CACNB4: variants seen among roughly 807,000 people sequenced by gnomAD.
CACNB4 encodes the protein voltage-dependent L-type calcium channel subunit beta-4.
In CACNB4, 32 loss-of-function variants were observed where a neutral mutation model predicts 71.2. That is an observed-to-expected ratio of 0.45 (90% CI 0.34 to 0.60). The LOEUF (loss-of-function observed/expected upper bound fraction) is 0.60. Among genes scored for constraint, CACNB4 ranks in the 20% least tolerant of loss-of-function variants. The pLI, the probability that CACNB4 is intolerant of heterozygous loss-of-function variation, is 0.01. For missense variants in CACNB4, 464 were observed against 647.9 expected (o/e 0.72, Z 3.08); for synonymous variants, 231 against 236.9 (o/e 0.97, Z 0.23).
At chr2:152,010,251 G>A (rs1027816932) in intron 2 of CACNB4, among the ~76,000 whole-genome samples, 8 of 152,158 alleles carry the variant, frequency 5.3e-5, no homozygotes, top group African/African-American at 1.9e-4. Context: ...ACTAAAACAG[G>A]TAGTCATAAT....
At chr2:152,001,744 T>A (rs1484030366) in intron 2 of CACNB4, among the ~76,000 whole-genome samples, 1 of 150,958 alleles carries the variant, frequency 6.6e-6, no homozygotes. Flanking sequence ...GAGAATGAGT[T>A]TTACGGGTAA....
In CACNB4 at chr2:151,841,899, A is replaced by G. The variant is rs1419332555; in HGVS notation, c.1302+4T>C. 6.2e-7 allele frequency: 1 copy of G among 1,612,780 alleles called. No homozygotes were observed. The highest frequency in any genetic ancestry group is 1.3e-5 in the African/African-American group (1 of 74,894). ...AAAAAGCATGAGTGAAAAAGTGACA[A>G]TACCTGTAACCCAGAAATTGCTGTG... On this transcript the variant is annotated splice_donor_region_variant and intron_variant, in intron 13 of 13. Coordinates refer to ENST00000539935, the MANE Select transcript of CACNB4 (RefSeq NM_000726.5).
chr2:151,842,888 A>C (rs1014708242), intron 12 of CACNB4, among the ~76,000 whole-genome samples: 1 of 152,206 alleles, frequency 6.6e-6, no homozygotes, highest in Non-Finnish European at 1.5e-5. Context: ...AATAACATTT[A>C]CTTAGGTAAT....
chr2:152,063,790 C>A (rs1686146927), intron 2 of CACNB4, among the ~76,000 whole-genome samples: 1 of 152,194 alleles, frequency 6.6e-6, no homozygotes, highest in African/African-American at 2.4e-5. Flanking sequence ...CTAAAAGAGG[C>A]AGCCACCCAT....
At chr2:152,012,487 C>T (rs1365564742) in intron 2 of CACNB4, among the ~76,000 whole-genome samples, 1 of 151,826 alleles carries the variant, frequency 6.6e-6, no homozygotes, top group Non-Finnish European at 1.5e-5. Context: ...ACCTGTATTC[C>T]CAGCTACTCA....
chr2:151,910,234 G>C (rs1362395711), intron 2 of CACNB4, among the ~76,000 whole-genome samples: 1 of 151,924 alleles, frequency 6.6e-6, no homozygotes, highest in African/African-American at 2.4e-5. Flanking sequence ...GGTTTTTCTT[G>C]TAAATATGTT....
At chr2:151,946,286 G>A (rs546758741) in intron 2 of CACNB4, among the ~76,000 whole-genome samples, 15 of 151,064 alleles carry the variant, frequency 9.9e-5, no homozygotes, top group Admixed American at 4.6e-4. Context: ...CCAAGATTGC[G>A]CCATTGCACT....
chr2:151,999,751 A>T (rs766627002), intron 2 of CACNB4, among the ~76,000 whole-genome samples: 111 of 152,280 alleles, frequency 7.3e-4, no homozygotes, highest in Non-Finnish European at 1.3e-3. Flanking sequence ...TTAATTGAAA[A>T]TTACTAACCC....
chr2:152,098,570 A>AGCAAAC lies in CACNB4; in HGVS notation c.64-158_64-157insGTTTGC. On this transcript the variant is annotated intron_variant, in intron 1 of 13. Transcript: ENST00000539935. The surrounding 1 kb of genome is among the most constrained non-coding windows in gnomAD (Gnocchi z 5.3). ...TCCGCGACTCCCAAATACAGCCCCC[A>AGCAAAC]CCCCCACCCACCCACTGCAAGCCTC... 1 of 407,386 alleles carries AGCAAAC rather than the reference A, an allele frequency of 2.5e-6. No individual in the cohort carries two copies. The highest frequency in any genetic ancestry group is 4.7e-6 in the Non-Finnish European group (1 of 212,558). The allele number at this position is 407,386 out of a possible 1,614,324, so 25.2% of individuals were successfully genotyped here.
At chr2:151,989,076 T>A (rs1189234535) in intron 2 of CACNB4, among the ~76,000 whole-genome samples, 1 of 152,194 alleles carries the variant, frequency 6.6e-6, no homozygotes, top group Non-Finnish European at 1.5e-5. Flanking sequence ...GAAGAAAGTA[T>A]CCCTTCTTCT....
At chr2:152,013,471 G>A (rs147799247) in intron 2 of CACNB4, among the ~76,000 whole-genome samples, 212 of 152,240 alleles carry the variant, frequency 1.4e-3, no homozygotes, top group African/African-American at 3.2e-3. Context: ...TAGGTTGCTC[G>A]GAGGGAGGGC....
At chr2:151,915,989 G>C (rs2099857421) in intron 2 of CACNB4, among the ~76,000 whole-genome samples, 2 of 53,170 alleles carry the variant, frequency 3.8e-5, no homozygotes, top group South Asian at 1.2e-3. Flanking sequence ...CCTTGGCTGG[G>C]GGGAGGGGGT....
chr2:151,880,082 C>T (rs1249601522), intron 4 of CACNB4: 1 of 152,242 alleles, frequency 6.6e-6, no homozygotes, highest in African/African-American at 2.4e-5. Context: ...ACATCCTCAC[C>T]TCATATACCA....
At chr2:152,008,626 C>T (rs1056365592) in intron 2 of CACNB4, among the ~76,000 whole-genome samples, 1 of 152,098 alleles carries the variant, frequency 6.6e-6, no homozygotes, top group Non-Finnish European at 1.5e-5. Context: ...CTGATAGAAC[C>T]ACGAACTTCC....
chr2:152,081,484 A>G (rs1476712812), intron 2 of CACNB4, among the ~76,000 whole-genome samples: 2 of 152,064 alleles, frequency 1.3e-5, no homozygotes, highest in African/African-American at 2.4e-5. Context: ...AGACCCTGTC[A>G]ATAAAAAAGA....
intron 2 of CACNB4, among the ~76,000 whole-genome samples, chr2:152,011,995 TGTACA>T (rs1683081563): frequency 6.6e-6 from 1 of 152,138 alleles, no homozygotes; most frequent in Non-Finnish European, 1.5e-5. Flanking sequence ...CAGATAGTTA[TGTACA>T]GTACATCATA....
chr2:151,841,894 T>G lies in CACNB4; in HGVS notation c.1302+9A>C, dbSNP rs1487702135. The G allele has an allele frequency of 6.2e-7, 1 of 1,612,140 alleles. No individual in the cohort carries two copies. The highest frequency in any genetic ancestry group is 1.1e-5 in the South Asian group (1 of 90,646). Reference sequence around the variant, plus strand: ...GTTGTAAAAAGCATGAGTGAAAAAGTGACAATACCTGTAACCCAGAAATTG... The same window carrying G: ...GTTGTAAAAAGCATGAGTGAAAAAGGGACAATACCTGTAACCCAGAAATTG... On this transcript the variant is annotated intron_variant, in intron 13 of 13. Transcript: ENST00000539935.
At chr2:151,915,460 G>A (rs1363249280) in intron 2 of CACNB4, among the ~76,000 whole-genome samples, 1 of 152,270 alleles carries the variant, frequency 6.6e-6, no homozygotes, top group Non-Finnish European at 1.5e-5. Flanking sequence ...TCAAACAGCT[G>A]AGACAGCAGG....
At chr2:151,887,699 T>C (rs1023314128) in intron 2 of CACNB4, among the ~76,000 whole-genome samples, 4 of 152,212 alleles carry the variant, frequency 2.6e-5, no homozygotes, top group African/African-American at 9.6e-5. Flanking sequence ...TAGTTGGCTG[T>C]GAATCTTAAG....
Sources: gnomAD v4.1 joint callset for allele counts (sites outside exome capture counted in the v4.1 genomes callset) on GRCh38, gnomAD v4.1.1 for gene constraint, Gnocchi (gnomAD v3.1) non-coding constraint, MANE v1.5 for transcripts, NCBI Gene and HGNC (gene_info 2026-07-23, HGNC 2026-07-21) for gene names.